The following FMN2 variants were observed in gnomAD, a reference collection of about 807,000 sequenced individuals.
FMN2 encodes formin 2.
A neutral mutation model predicts 142.3 loss-of-function variants in FMN2; 51 were observed. The observed-to-expected ratio is 0.36, with a 90% CI of 0.29 to 0.45. The LOEUF (loss-of-function observed/expected upper bound fraction) is 0.45, where lower values mean the gene tolerates loss of function less well. Among genes scored for constraint, FMN2 ranks in the 20% least tolerant of loss-of-function variants. The probability of loss-of-function intolerance (pLI) is 1.00; values close to 1 mark genes in which losing one functional copy is unlikely to be tolerated. For missense variants in FMN2, 1,936 were observed against 2,122.8 expected (o/e 0.91, Z 1.73); for synonymous variants, 882 against 869.8 (o/e 1.01, Z -0.25).
At chr1:240,308,787 G>A (rs1461809034) in intron 8 of FMN2, among the ~76,000 whole-genome samples, 1 of 152,220 alleles carries the variant, frequency 6.6e-6, no homozygotes, top group Non-Finnish European at 1.5e-5. Flanking sequence ...GAATATGCCA[G>A]TAGAATTTGC....
chr1:240,338,353 T>C (rs1403316348), intron 13 of FMN2, among the ~76,000 whole-genome samples: 2 of 152,236 alleles, frequency 1.3e-5, no homozygotes, highest in Non-Finnish European at 2.9e-5. Context: ...TTTAAATTGT[T>C]CATTTCTGAT....
chr1:240,434,555 G>GTTTTTTTTTT (rs57596533), intron 15 of FMN2, among the ~76,000 whole-genome samples: 2 of 148,154 alleles, frequency 1.3e-5, no homozygotes, highest in Non-Finnish European at 3.0e-5. Context: ...TTTGTTTTTT[G>GTTTTTTTTTT]TTTTTTTTTG....
intron 14 of FMN2, among the ~76,000 whole-genome samples, chr1:240,389,198 G>A (rs1329216473): frequency 6.6e-6 from 1 of 152,114 alleles, no homozygotes; most frequent in Non-Finnish European, 1.5e-5. Flanking sequence ...TTGATTATCT[G>A]TACATAAGAA....
At chr1:240,106,423 A>G (rs551119055) in intron 1 of FMN2, among the ~76,000 whole-genome samples, 4 of 152,332 alleles carry the variant, frequency 2.6e-5, no homozygotes, top group South Asian at 2.1e-4. Context: ...ACATCTTTAT[A>G]TAGATACGGG....
In FMN2 at chr1:240,330,664, A is replaced by G; in HGVS notation, c.4499A>G (p.Tyr1500Cys). 1 of 1,614,058 alleles carries G rather than the reference A, an allele frequency of 6.2e-7. No homozygotes were observed. Among genetic ancestry groups the G allele is most frequent in the Non-Finnish European group, 8.5e-7 (1 of 1,179,940 alleles). Reference sequence around the variant, plus strand: ...GGTTTGGTTCTTGCCTTTGGCAACTACATGAATGGAGGAAATAAGACTCGA... The same window carrying G: ...GGTTTGGTTCTTGCCTTTGGCAACTGCATGAATGGAGGAAATAAGACTCGA... ...VLGLVLAFGN[Y>C]MNGGNKTRGQ... Residue 1500 changes from tyrosine to cysteine, a missense_variant, in exon 11 of 18, where the codon TAC (tyrosine) becomes TGC (cysteine). This residue lies in a region of FMN2 where 322 missense variants were observed against 401.6 expected (regional missense o/e 0.80). Transcript: ENST00000319653.
intron 8 of FMN2, among the ~76,000 whole-genome samples, chr1:240,313,232 C>G (rs1670653826): frequency 6.6e-6 from 1 of 152,156 alleles, no homozygotes; most frequent in Non-Finnish European, 1.5e-5. Context: ...CCGATGCTTC[C>G]TTTTTCTCCC....
chr1:240,228,516 T>G (rs1572092948), intron 6 of FMN2, among the ~76,000 whole-genome samples: 2 of 151,756 alleles, frequency 1.3e-5, no homozygotes, highest in East Asian at 3.9e-4. Context: ...ATGGCTATAA[T>G]CAAAGAGAAA....
At chr1:240,416,415 C>A (rs894844564) in intron 15 of FMN2, among the ~76,000 whole-genome samples, 1 of 151,956 alleles carries the variant, frequency 6.6e-6, no homozygotes, top group Non-Finnish European at 1.5e-5. Flanking sequence ...CGTGCCACCA[C>A]CAAAAATTAG....
intron 11 of FMN2, 46 bp downstream of exon 11, chr1:240,330,795 G>A (rs1671349783): frequency 1.3e-6 from 2 of 1,590,338 alleles, no homozygotes; most frequent in Non-Finnish European, 1.7e-6. Context: ...AGGAGTCAAG[G>A]TTTTGTTTAG....
At chr1:240,171,537 A>G (rs974278837) in intron 2 of FMN2, among the ~76,000 whole-genome samples, 10 of 152,248 alleles carry the variant, frequency 6.6e-5, no homozygotes, top group Non-Finnish European at 1.3e-4. Flanking sequence ...TACAAAAAAA[A>G]TACAGACTAT....
intron 3 of FMN2, among the ~76,000 whole-genome samples, chr1:240,184,103 T>C (rs1232893268): frequency 3.3e-5 from 5 of 152,136 alleles, no homozygotes; most frequent in African/African-American, 4.8e-5. Flanking sequence ...AAGTATGTTT[T>C]GTTTCGTGAG....
At chr1:240,288,276 A>G (rs1257610277) in intron 7 of FMN2, among the ~76,000 whole-genome samples, 2 of 152,074 alleles carry the variant, frequency 1.3e-5, no homozygotes, top group Non-Finnish European at 2.9e-5. Context: ...AACGTATCTC[A>G]TATGATCTCT....
chr1:240,294,459 T>A (rs1023443759), intron 7 of FMN2, among the ~76,000 whole-genome samples: 7 of 152,232 alleles, frequency 4.6e-5, no homozygotes, highest in African/African-American at 1.2e-4. Flanking sequence ...ATTTAAGCAT[T>A]TATTGATATA....
intron 4 of FMN2, 55 bp from the exon 5 acceptor site, chr1:240,206,744 A>T: frequency 6.5e-7 from 1 of 1,543,976 alleles, no homozygotes; most frequent in South Asian, 1.3e-5. Context: ...ATTTTTTGCT[A>T]TTTGCATTTT....
At chr1:240,111,657 A>T (rs1156605975) in intron 1 of FMN2, among the ~76,000 whole-genome samples, 1 of 152,140 alleles carries the variant, frequency 6.6e-6, no homozygotes, top group Non-Finnish European at 1.5e-5. Flanking sequence ...CAGCCTTATC[A>T]GCAAGGTCTT....
chr1:240,101,366 G>A (rs185640133), intron 1 of FMN2, among the ~76,000 whole-genome samples: 66 of 152,280 alleles, frequency 4.3e-4, no homozygotes, highest in African/African-American at 1.4e-3. Context: ...CGGAAGACCC[G>A]TTTATACCAC....
intron 4 of FMN2, among the ~76,000 whole-genome samples, chr1:240,196,534 A>G (rs968421053): frequency 6.6e-6 from 1 of 152,046 alleles, no homozygotes; most frequent in African/African-American, 2.4e-5. Context: ...GTTTTGATAC[A>G]GAGTTTTGCT....
At chr1:240,271,521 T>A (rs1669015062) in intron 7 of FMN2, among the ~76,000 whole-genome samples, 2 of 151,740 alleles carry the variant, frequency 1.3e-5, no homozygotes, top group African/African-American at 4.8e-5. Context: ...TTTCCTCACA[T>A]GGGATATAGA....
In FMN2 at chr1:240,457,323, C is replaced by T. The variant is rs180853697; in HGVS notation, c.5061-15049C>T. ...TCCAATTTCCATTTTCCTCTCTAAT[C>T]GTTCCCCGTACTGCCACCTTCCACA... On this transcript the variant is annotated intron_variant, in intron 16 of 17. Coordinates refer to ENST00000319653, the MANE Select transcript of FMN2 (RefSeq NM_020066.5). 1.3e-4 allele frequency among the ~76,000 whole-genome samples: 20 copies of T among 152,306 alleles called. No homozygotes were observed. In the East Asian group the frequency reaches 2.3e-3, roughly 18 times the overall value.
Sources: allele counts gnomAD v4.1 joint callset (sites outside exome capture counted in the v4.1 genomes callset), GRCh38; gene constraint gnomAD v4.1.1; regional missense constraint gnomAD v4.1.1; transcripts MANE v1.5; gene names NCBI Gene and HGNC (gene_info 2026-07-23, HGNC 2026-07-21).